Variants in MYLK observed in about 807,000 individuals in gnomAD.
The protein encoded by MYLK is myosin light chain kinase, smooth muscle.
In MYLK, 106 loss-of-function variants were observed where a neutral mutation model predicts 203.4. The observed-to-expected ratio is 0.52, with a 90% CI of 0.45 to 0.61. The LOEUF (loss-of-function observed/expected upper bound fraction) is 0.61. Among genes scored for constraint, MYLK ranks in the 20% least tolerant of loss-of-function variants. The probability of loss-of-function intolerance (pLI) is 0.00; values close to 1 mark genes in which losing one functional copy is unlikely to be tolerated. For missense variants in MYLK, 2,072 were observed against 2,442.3 expected, an observed-to-expected ratio of 0.85 and a Z score of 3.20; for synonymous variants, 867 against 959.5, an observed-to-expected ratio of 0.90 and a Z score of 1.78.
intron 33 of MYLK, among the ~76,000 whole-genome samples, chr3:123,615,597 G>A (rs931564501): frequency 6.6e-6 from 1 of 150,698 alleles, no homozygotes; most frequent in African/African-American, 2.4e-5. Context: ...GCCTCCCAAA[G>A]TGCTGGGATT....
At position 123,737,554 on chromosome 3, in the gene MYLK, C is replaced by A; in HGVS notation, c.589-11G>T. ...CAGTGGAACATTTCCCTGTGGATGG[C>A]AATGGGGTAACTTGGTCATACAAAT... On this transcript the variant is annotated splice_polypyrimidine_tract_variant and intron_variant, in intron 7 of 33. Coordinates refer to ENST00000360304, the MANE Select transcript of MYLK (RefSeq NM_053025.4). The A allele has an allele frequency of 6.2e-7, 1 of 1,613,986 alleles. No individual in the cohort carries two copies. Among genetic ancestry groups the A allele is most frequent in the Non-Finnish European group, 8.5e-7 (1 of 1,180,010 alleles).
chr3:123,830,850 T>C (rs1419995987), intron 3 of MYLK, among the ~76,000 whole-genome samples: 1 of 152,166 alleles, frequency 6.6e-6, no homozygotes, highest in Non-Finnish European at 1.5e-5. Flanking sequence ...AAATTACACA[T>C]ATGAAATCCC....
At chr3:123,744,138 G>A (rs969052556) in intron 5 of MYLK, among the ~76,000 whole-genome samples, 2 of 152,120 alleles carry the variant, frequency 1.3e-5, no homozygotes, top group African/African-American at 4.8e-5. Flanking sequence ...ACACATACAC[G>A]TATGTGATAA....
At chr3:123,769,227 T>A (rs1399380011) in intron 4 of MYLK, among the ~76,000 whole-genome samples, 2 of 152,122 alleles carry the variant, frequency 1.3e-5, no homozygotes, top group Non-Finnish European at 2.9e-5. Context: ...AGCCTCCAGG[T>A]GCAAGAAGGA....
intron 1 of MYLK, among the ~76,000 whole-genome samples, chr3:123,879,103 GA>G (rs1222893077): frequency 3.1e-4 from 47 of 152,298 alleles, no homozygotes; most frequent in South Asian, 8.3e-4. Flanking sequence ...TACAATATAT[GA>G]GGCATGAAAA....
chr3:123,773,607 A>G (rs1425006894), intron 4 of MYLK, among the ~76,000 whole-genome samples: 1 of 152,216 alleles, frequency 6.6e-6, no homozygotes, highest in Non-Finnish European at 1.5e-5. Context: ...TAGTTGGGAT[A>G]AAACCAAATG....
intron 24 of MYLK, among the ~76,000 whole-genome samples, chr3:123,654,344 AT>A (rs201775720): frequency 7.3e-5 from 11 of 151,432 alleles, no homozygotes; most frequent in East Asian, 5.8e-4. Flanking sequence ...CTAATTTTCA[AT>A]TTTTTTTTCA....
intron 4 of MYLK, among the ~76,000 whole-genome samples, chr3:123,775,799 G>A (rs954581291): frequency 6.6e-6 from 1 of 152,186 alleles, no homozygotes; most frequent in Non-Finnish European, 1.5e-5. Flanking sequence ...TCCTCTATCA[G>A]TGAAAGTCAG....
intron 2 of MYLK, among the ~76,000 whole-genome samples, chr3:123,872,459 G>C (rs1210995134): frequency 6.6e-6 from 1 of 152,086 alleles, no homozygotes; most frequent in Non-Finnish European, 1.5e-5. Flanking sequence ...TAAGGGCTCA[G>C]TCCCCAAGAC....
intron 4 of MYLK, among the ~76,000 whole-genome samples, chr3:123,752,814 G>T (rs544795896): frequency 6.6e-6 from 1 of 152,162 alleles, no homozygotes; most frequent in South Asian, 2.1e-4. Flanking sequence ...TCATCCAGGG[G>T]AGCTTTAAAA....
intron 33 of MYLK, 145 bp downstream of exon 33, chr3:123,618,494 T>G (rs2057643854): frequency 9.0e-7 from 1 of 1,112,242 alleles, no homozygotes; most frequent in Non-Finnish European, 1.3e-6. Flanking sequence ...GAGCAGCTCC[T>G]GCTGACCCAG....
At chr3:123,803,204 A>G (rs2065255058) in intron 3 of MYLK, among the ~76,000 whole-genome samples, 1 of 152,236 alleles carries the variant, frequency 6.6e-6, no homozygotes, top group African/African-American at 2.4e-5. Context: ...TCGTAGCTGC[A>G]AGATTGTTAC....
At chr3:123,752,258 A>G (rs988051969) in intron 5 of MYLK, 73 bp downstream of exon 5, 1 of 1,486,150 alleles carries the variant, frequency 6.7e-7, no homozygotes, top group Non-Finnish European at 9.4e-7. Context: ...AGAGAGGGCT[A>G]AGGCAGGAGC....
Position 123,711,514 on chromosome 3 carries a change from C to T in MYLK, c.1805-1621G>A, listed in dbSNP as rs559549925. On this transcript the variant is annotated intron_variant, in intron 13 of 33. Transcript: ENST00000360304. ...AACAGCCTTTCCTCATGCTTAGAAT[C>T]CCTGCCTCACAGGAGCTGAAGGGGA... Among the ~76,000 whole-genome samples, 5 of 152,332 alleles carry T rather than the reference C, an allele frequency of 3.3e-5. No homozygotes were observed. The South Asian group carries it at 1.0e-3, about 32-fold the overall frequency.
At chr3:123,687,077 C>T (rs1467675849) in intron 19 of MYLK, among the ~76,000 whole-genome samples, 1 of 152,102 alleles carries the variant, frequency 6.6e-6, no homozygotes, top group Non-Finnish European at 1.5e-5. Context: ...CAAAAATTAG[C>T]TGGGCGTGTT....
chr3:123,815,392 G>C (rs985967410), intron 3 of MYLK, among the ~76,000 whole-genome samples: 1 of 152,220 alleles, frequency 6.6e-6, no homozygotes, highest in African/African-American at 2.4e-5. Context: ...CAAGCCTTGG[G>C]AAGTGAGGCA....
At chr3:123,739,671 A>G (rs141903482) in intron 6 of MYLK, among the ~76,000 whole-genome samples, 1 of 152,238 alleles carries the variant, frequency 6.6e-6, no homozygotes, top group African/African-American at 2.4e-5. Context: ...AGGCTTGCTT[A>G]TTTCAATCTT....
At chr3:123,737,298 C>T (rs564059066) in intron 8 of MYLK, 80 bp downstream of exon 8, 139 of 1,572,894 alleles carry the variant, frequency 8.8e-5, no homozygotes, top group Non-Finnish European at 1.1e-4. Flanking sequence ...CACACAGGTG[C>T]GCAGTGAACA....
rs1178117715 is a variant in MYLK, at chr3:123,648,476, AT to A, written c.4415+494del. Among the ~76,000 whole-genome samples, 1 of 152,138 alleles carries A rather than the reference AT, an allele frequency of 6.6e-6. No individual in the cohort carries two copies. The highest frequency in any genetic ancestry group is 1.5e-5 in the Non-Finnish European group (1 of 68,022). On this transcript the variant is annotated intron_variant, in intron 26 of 33. Coordinates refer to ENST00000360304, the MANE Select transcript of MYLK (RefSeq NM_053025.4). This position sits in a 1 kb window ranked among gnomAD's most constrained non-coding sequence, Gnocchi z 4.5. ...CTCATTTTATTTTATTTTAAAAATT[AT>A]TTTATTTTATTGTTTTTAAGTTCCA...
Sources: allele counts gnomAD v4.1 joint callset (sites outside exome capture counted in the v4.1 genomes callset), GRCh38; gene constraint gnomAD v4.1.1; non-coding constraint Gnocchi (gnomAD v3.1); transcripts MANE v1.5; gene names NCBI Gene and HGNC (gene_info 2026-07-23, HGNC 2026-07-21).